Variants in ARSG observed in about 807,000 individuals in gnomAD.
ARSG encodes arylsulfatase G, also known as ASG.
Under a neutral mutation model 50.5 loss-of-function variants are expected in ARSG, and 37 were observed. The observed-to-expected ratio is 0.73, with a 90% CI of 0.56 to 0.96. The LOEUF (loss-of-function observed/expected upper bound fraction) is 0.96, where lower values mean the gene tolerates loss of function less well. Ranked by LOEUF, ARSG falls within the 50% of genes least tolerant of loss-of-function variation. The probability of loss-of-function intolerance (pLI) is 0.00; values close to 1 mark genes in which losing one functional copy is unlikely to be tolerated. For synonymous variants in ARSG, 225 were observed against 254.6 expected (o/e 0.88, Z 1.11); for missense variants, 629 against 675.3 (o/e 0.93, Z 0.76).
intron 11 of ARSG, among the ~76,000 whole-genome samples, chr17:68,407,214 G>C (rs1007636648): frequency 6.6e-6 from 1 of 152,172 alleles, no homozygotes; most frequent in African/African-American, 2.4e-5. Context: ...TCTCTATTCT[G>C]TTCCATTGGT....
rs1176193187 is a variant in ARSG at position 68,378,155 on chromosome 17, C to T, written c.983-6909C>T. The stretch of plus-strand genomic sequence containing the variant: ...AGGGGGCTGGGGTCCCTCTGGTCAC[C>T]TGCTCCTCTTCACCCAGTTCCCCAT... On this transcript the variant is annotated intron_variant, in intron 8 of 11. Coordinates refer to ENST00000621439, the MANE Select transcript of ARSG (RefSeq NM_001267727.2). The surrounding 1 kb of genome is among the most constrained non-coding windows in gnomAD (Gnocchi z 4.4). Among the ~76,000 whole-genome samples, 2 of 152,192 alleles carry T rather than the reference C, an allele frequency of 1.3e-5. No individual in the cohort carries two copies. Among genetic ancestry groups the T allele is most frequent in the Non-Finnish European group, 2.9e-5 (2 of 68,030 alleles).
At chr17:68,279,558 A>AT (rs1395860425) in intron 1 of ARSG, among the ~76,000 whole-genome samples, 23 of 152,290 alleles carry the variant, frequency 1.5e-4, no homozygotes, top group Admixed American at 1.5e-3. Context: ...ATAAGGTACT[A>AT]TTATACAAGC....
At chr17:68,320,523 T>C (rs1490484235) in intron 2 of ARSG, among the ~76,000 whole-genome samples, 2 of 152,116 alleles carry the variant, frequency 1.3e-5, no homozygotes, top group African/African-American at 2.4e-5. Flanking sequence ...ACAGCTGTGA[T>C]CCAGACAACC....
rs544147710 is a variant in ARSG at position 68,269,612 on chromosome 17, T to C, written c.-552+10186T>C. 1.3e-4 allele frequency among the ~76,000 whole-genome samples: 19 copies of C among 147,764 alleles called. No homozygotes were observed. In the East Asian group the frequency reaches 3.6e-3, roughly 28 times the overall value. On this transcript the variant is annotated intron_variant, in intron 1 of 11. Coordinates refer to the ARSG transcript ENST00000448504. The stretch of plus-strand genomic sequence containing the variant: ...TGGGACATTTCGATGCATACTTCTT[T>C]GAAAAGGTAATATTCTTCGGTAGGA...
Position 68,378,055 on chromosome 17 carries a change from C to G in ARSG, c.983-7009C>G, listed in dbSNP as rs542261257. 6.6e-6 allele frequency among the ~76,000 whole-genome samples: 1 copy of G among 152,358 alleles called. No homozygotes were observed. Among genetic ancestry groups the G allele is most frequent in the East Asian group, 1.9e-4 (1 of 5,178 alleles). On this transcript the variant is annotated intron_variant, in intron 8 of 11. Transcript: ENST00000621439. The surrounding 1 kb of genome is among the most constrained non-coding windows in gnomAD (Gnocchi z 4.4). The stretch of plus-strand genomic sequence containing the variant: ...TATTCCACAGCCTCCTTCTTCCTCT[C>G]TGCCTGGAATGCTGCTGGAGCTCTG...
intron 8 of ARSG, among the ~76,000 whole-genome samples, chr17:68,377,313 C>G (rs966792207): frequency 2.6e-5 from 4 of 152,248 alleles, no homozygotes; most frequent in Non-Finnish European, 5.9e-5. Context: ...CGTGACTGCT[C>G]TCACGCACAC....
At chr17:68,405,130 C>CTTTTTTT (rs58178643) in intron 11 of ARSG, among the ~76,000 whole-genome samples, 2 of 92,986 alleles carry the variant, frequency 2.2e-5, no homozygotes, top group Non-Finnish European at 2.2e-5. Flanking sequence ...CAGCTTTGGG[C>CTTTTTTT]TTTTTTTTTT....
intron 4 of ARSG, among the ~76,000 whole-genome samples, chr17:68,349,610 A>G (rs9902090): frequency 0.51 from 78,158 of 152,006 alleles, 20,267 homozygotes; most frequent in Admixed American, 0.57. Context: ...CAGGCTGGGC[A>G]TGGTGGCTCA....
intron 6 of ARSG, 133 bp downstream of exon 6, chr17:68,356,937 A>G: frequency 7.4e-6 from 8 of 1,082,384 alleles, no homozygotes; most frequent in Non-Finnish European, 1.1e-5. Context: ...GGATGCATAC[A>G]TGTCTCCTAT....
At chr17:68,292,886 A>T (rs1348020750) in intron 1 of ARSG, among the ~76,000 whole-genome samples, 3 of 152,070 alleles carry the variant, frequency 2.0e-5, no homozygotes, top group Admixed American at 6.6e-5. Context: ...GCGTAATTTA[A>T]CCTCGTAGAG....
chr17:68,365,821 C>T (rs2079519137), intron 6 of ARSG, among the ~76,000 whole-genome samples: 1 of 152,124 alleles, frequency 6.6e-6, no homozygotes, highest in African/African-American at 2.4e-5. Context: ...GTTATTTCCA[C>T]CACACAGATA....
chr17:68,354,022 C>CTTTTTT (rs1239565009), intron 5 of ARSG, among the ~76,000 whole-genome samples: 2 of 93,816 alleles, frequency 2.1e-5, no homozygotes, highest in East Asian at 2.8e-4. Context: ...TCTTCTTGTT[C>CTTTTTT]TTTTTTTTTT....
Position 68,260,179 on chromosome 17 carries a change from A to G in ARSG, c.-552+753A>G, listed in dbSNP as rs535611995. 2.6e-3 allele frequency among the ~76,000 whole-genome samples: 397 copies of G among 152,284 alleles called. 5 individuals carry two copies. Among genetic ancestry groups the G allele is most frequent in the Admixed American group, 7.3e-3 (112 of 15,288 alleles). ...ATGTGGAGATTATTTAGTCCATTTCATGCATGAGGACACAAGCCTGCAGCA... is the reference window on the plus strand; with the variant it reads ...ATGTGGAGATTATTTAGTCCATTTCGTGCATGAGGACACAAGCCTGCAGCA... On this transcript the variant is annotated intron_variant, in intron 1 of 11. Transcript: ENST00000448504.
intron 1 of ARSG, among the ~76,000 whole-genome samples, chr17:68,281,965 T>C (rs2075709441): frequency 1.3e-5 from 2 of 152,134 alleles, no homozygotes; most frequent in South Asian, 4.1e-4. Context: ...GATCTAGAAC[T>C]GGAAATACCA....
At chr17:68,325,423 TATA>T (rs1201795232) in intron 2 of ARSG, among the ~76,000 whole-genome samples, 1 of 152,080 alleles carries the variant, frequency 6.6e-6, no homozygotes, top group Non-Finnish European at 1.5e-5. Flanking sequence ...TATATTACAA[TATA>T]ATAATAATAG....
chr17:68,303,784 A>T (rs1555762886), intron 1 of ARSG, among the ~76,000 whole-genome samples: 1 of 152,060 alleles, frequency 6.6e-6, no homozygotes, highest in East Asian at 1.9e-4. Flanking sequence ...TCAACGTTTG[A>T]GCTTAGATCT....
At chr17:68,335,553 CAAAA>C (rs397856679) in intron 2 of ARSG, among the ~76,000 whole-genome samples, 1 of 89,856 alleles carries the variant, frequency 1.1e-5, no homozygotes. Context: ...GACTCCATCT[CAAAA>C]AAAAAAAAAA....
chr17:68,408,128 T>A (rs903547487), intron 11 of ARSG, among the ~76,000 whole-genome samples: 3 of 152,054 alleles, frequency 2.0e-5, no homozygotes, highest in Non-Finnish European at 4.4e-5. Flanking sequence ...TATTTCTTTT[T>A]TTATTATTAT....
rs931259840 is a variant in ARSG, at chr17:68,420,717, C to G, written c.*254C>G. 2.0e-6 allele frequency: 1 copy of G among 496,574 alleles called. No homozygotes were observed. The highest frequency in any genetic ancestry group is 1.9e-5 in the African/African-American group (1 of 51,704). The allele number at this position is 496,574 out of a possible 1,614,324, so 30.8% of individuals were successfully genotyped here. ...CGGGCTTTGGAGTCAGGCACAGGTG[C>G]CAGCTCCAGCTTTTGAACTTGGGCA... On this transcript the variant is annotated 3_prime_UTR_variant, in exon 12 of 12. Transcript: ENST00000621439.
Sources: allele counts gnomAD v4.1 joint callset (sites outside exome capture counted in the v4.1 genomes callset), GRCh38; gene constraint gnomAD v4.1.1; non-coding constraint Gnocchi (gnomAD v3.1); transcripts MANE v1.5; gene names NCBI Gene and HGNC (gene_info 2026-07-23, HGNC 2026-07-21).